TYW1: variants seen among roughly 807,000 people sequenced by gnomAD.
TYW1 encodes S-adenosyl-L-methionine-dependent tRNA 4-demethylwyosine synthase TYW1.
TYW1 carries 46 observed loss-of-function variants against 96.2 expected under a neutral mutation model. The ratio of observed to expected loss-of-function variants is 0.48; its 90% CI spans 0.38 to 0.61. The LOEUF is 0.61. Ranked by LOEUF, TYW1 falls within the 20% of genes least tolerant of loss-of-function variation. The pLI, the probability that TYW1 is intolerant of heterozygous loss-of-function variation, is 0.00. For synonymous variants in TYW1, 274 were observed against 323.0 expected, an observed-to-expected ratio of 0.85 and a Z score of 1.63; for missense variants, 684 against 909.6, an observed-to-expected ratio of 0.75 and a Z score of 3.19.
At chr7:67,215,771 T>TG (rs1210053380) in intron 15 of TYW1, among the ~76,000 whole-genome samples, 2 of 152,114 alleles carry the variant, frequency 1.3e-5, no homozygotes, top group Admixed American at 1.3e-4. Flanking sequence ...CTGAAGAACT[T>TG]GGAGTCCGAT....
intron 9 of TYW1, among the ~76,000 whole-genome samples, chr7:67,059,982 A>G (rs567035584): frequency 1.3e-5 from 2 of 152,124 alleles, no homozygotes; most frequent in East Asian, 3.9e-4. Context: ...CATGTTGGCC[A>G]GGCTGGTCTC....
chr7:67,096,720 C>T (rs1317603599), intron 11 of TYW1, among the ~76,000 whole-genome samples: 1 of 151,984 alleles, frequency 6.6e-6, no homozygotes, highest in East Asian at 1.9e-4. Flanking sequence ...TTTCCTGATC[C>T]TCTCCCTTCT....
rs61112149 is a variant in TYW1 at position 67,211,150 on chromosome 7, TTGTGTGTGTGTGTGTGTGTG to T, written c.1977+15835_1977+15854del. On this transcript the variant is annotated intron_variant, in intron 15 of 15. Transcript: ENST00000359626. ...TTACTTTGCCATACCCCCATCAACA[TTGTGTGTGTGTGTGTGTGTG>T]TGTGTGTGTGTGTGTGTGTGTTTTG... is the stretch of plus-strand genomic sequence containing the variant. 8.7e-4 allele frequency among the ~76,000 whole-genome samples: 110 copies of T among 125,808 alleles called. 1 individual carries two copies. The highest frequency in any genetic ancestry group is 3.4e-3 in the African/African-American group (109 of 32,374). 82.5% of individuals were successfully genotyped at this position (125,808 alleles called of 152,430 possible).
intron 15 of TYW1, among the ~76,000 whole-genome samples, chr7:67,236,996 C>G (rs1402009166): frequency 6.6e-6 from 1 of 152,120 alleles, no homozygotes; most frequent in Admixed American, 6.5e-5. Context: ...AGCGATTCTC[C>G]TGCCTCAGCC....
chr7:67,039,414 C>T (rs13240195), intron 7 of TYW1, among the ~76,000 whole-genome samples: 150,553 of 150,576 alleles, frequency 1, 75,265 homozygotes, highest in Middle Eastern at 1. Context: ...GCCGAGATCC[C>T]GCCACTGCAC....
intron 15 of TYW1, among the ~76,000 whole-genome samples, chr7:67,213,637 C>T (rs1457241459): frequency 1.3e-5 from 2 of 152,104 alleles, no homozygotes; most frequent in Non-Finnish European, 1.5e-5. Flanking sequence ...TCCTCCCATG[C>T]TATTTTCTAG....
chr7:67,041,882 T>G (rs1197209413), intron 7 of TYW1, among the ~76,000 whole-genome samples: 1 of 151,932 alleles, frequency 6.6e-6, no homozygotes, highest in African/African-American at 2.4e-5. Flanking sequence ...GATAACAGTA[T>G]CTGCCTTATA....
chr7:67,004,485 C>A (rs1793504097), intron 3 of TYW1, among the ~76,000 whole-genome samples: 1 of 152,204 alleles, frequency 6.6e-6, no homozygotes, highest in African/African-American at 2.4e-5. Context: ...TTCACTTCTA[C>A]TCTGCCAGGA....
intron 15 of TYW1, among the ~76,000 whole-genome samples, chr7:67,226,010 A>T (rs931502569): frequency 1.3e-5 from 2 of 150,596 alleles, no homozygotes; most frequent in Admixed American, 6.6e-5. Flanking sequence ...AGTTGTAGCT[A>T]CAACCAGCAA....
At chr7:67,154,999 A>G (rs1798922877) in intron 13 of TYW1, among the ~76,000 whole-genome samples, 2 of 151,960 alleles carry the variant, frequency 1.3e-5, no homozygotes, top group African/African-American at 4.8e-5. Flanking sequence ...CATTCATTGA[A>G]TTCTTCTGTT....
intron 11 of TYW1, among the ~76,000 whole-genome samples, chr7:67,090,248 A>G (rs1011351633): frequency 1.3e-4 from 20 of 152,310 alleles, no homozygotes; most frequent in Non-Finnish European, 2.1e-4. Context: ...TGGAGTATCT[A>G]TATCAAACAG....
chr7:67,132,158 G>A (rs1456737768), intron 13 of TYW1, among the ~76,000 whole-genome samples: 2 of 137,058 alleles, frequency 1.5e-5, no homozygotes, highest in Non-Finnish European at 3.1e-5. Flanking sequence ...TGCCCAGGGT[G>A]GAGTGCCACA....
chr7:67,160,350 AAT>A (rs1362359111), intron 13 of TYW1, among the ~76,000 whole-genome samples: 5 of 152,162 alleles, frequency 3.3e-5, no homozygotes, highest in Admixed American at 1.3e-4. Flanking sequence ...CTATTGTTGT[AAT>A]ATGTGTTTAA....
intron 6 of TYW1, among the ~76,000 whole-genome samples, chr7:67,020,807 A>G (rs988795331): frequency 7.2e-5 from 11 of 152,254 alleles, no homozygotes; most frequent in Non-Finnish European, 1.5e-4. Flanking sequence ...AGGCAGGCGG[A>G]TCATGAGGTT....
rs551393539 is a variant in TYW1, at chr7:67,180,214, T to C, written c.1699-2912T>C. On this transcript the variant is annotated intron_variant, in intron 13 of 15. Coordinates refer to ENST00000359626, the MANE Select transcript of TYW1 (RefSeq NM_018264.4). The stretch of plus-strand genomic sequence containing the variant: ...GATTGCTGGCATATAATAGCTAATA[T>C]TTGGTATGATACGCTGCTGCCAAGC... Among the ~76,000 whole-genome samples, 516 of 130,516 alleles carry C rather than the reference T, an allele frequency of 4.0e-3. 60 individuals carry two copies. The highest frequency in any genetic ancestry group is 7.7e-3 in the East Asian group (39 of 5,084). The allele number at this position is 130,516 out of a possible 152,430, so 85.6% of individuals were successfully genotyped here.
At chr7:67,188,883 A>G (rs913403055) in intron 14 of TYW1, among the ~76,000 whole-genome samples, 3 of 152,126 alleles carry the variant, frequency 2.0e-5, no homozygotes, top group African/African-American at 7.2e-5. Context: ...TTGTATTTCA[A>G]TTGAGTTGCT....
At chr7:67,193,067 G>A (rs1477974654) in intron 14 of TYW1, among the ~76,000 whole-genome samples, 2 of 152,176 alleles carry the variant, frequency 1.3e-5, no homozygotes, top group Non-Finnish European at 2.9e-5. Flanking sequence ...GGACATGTTG[G>A]TTCCAACCAA....
chr7:67,096,130 C>G (rs1796904267), intron 11 of TYW1, among the ~76,000 whole-genome samples: 1 of 152,188 alleles, frequency 6.6e-6, no homozygotes, highest in Non-Finnish European at 1.5e-5. Context: ...TGGCTCACGC[C>G]TGTAATCCCA....
At chr7:67,197,168 C>T (rs1435597784) in intron 15 of TYW1, among the ~76,000 whole-genome samples, 4 of 152,314 alleles carry the variant, frequency 2.6e-5, no homozygotes, top group African/African-American at 9.6e-5. Context: ...TAACACAGCA[C>T]CTGGCTCATA....
Sources: gnomAD v4.1 joint callset for allele counts (sites outside exome capture counted in the v4.1 genomes callset) on GRCh38, gnomAD v4.1.1 for gene constraint, MANE v1.5 for transcripts, NCBI Gene and HGNC (gene_info 2026-07-23, HGNC 2026-07-21) for gene names.